Variants in PRELID2 observed in about 807,000 individuals in gnomAD.
PRELID2 encodes PRELI domain-containing protein 2.
Under a neutral mutation model 28.4 loss-of-function variants are expected in PRELID2, and 25 were observed. The observed-to-expected ratio is 0.88, with a 90% confidence interval of 0.64 to 1.23. The LOEUF (loss-of-function observed/expected upper bound fraction) is 1.23. Among genes scored for constraint, PRELID2 ranks in the 50% most tolerant of loss-of-function variants. The pLI is 0.00. For synonymous variants in PRELID2, 76 were observed against 71.6 expected (o/e 1.06, Z -0.31); for missense variants, 201 against 214.4 (o/e 0.94, Z 0.39).
At chr5:145,317,828 T>G in the PRELID2 span, among the ~76,000 whole-genome samples, 2 of 152,186 alleles carry the variant, frequency 1.3e-5, no homozygotes, top group Non-Finnish European at 1.5e-5. Flanking sequence ...GTGCTCATCT[T>G]TAGGTAACCT....
rs80029821 is a variant in PRELID2, at chr5:145,563,195, C to T, written n.71-89880G>A. The stretch of plus-strand genomic sequence containing the variant: ...GCAATTCTGGAACTTTTGATATCAC[C>T]GTTTAGGAGAGAAATATCCTTTTGT... On this transcript the variant is annotated intron_variant and non_coding_transcript_variant, in intron 1 of 2. Transcript: ENST00000510259. Among the ~76,000 whole-genome samples, 1,489 of 152,258 alleles carry T rather than the reference C, an allele frequency of 9.8e-3. 23 individuals are homozygous for T. Among genetic ancestry groups the T allele is most frequent in the African/African-American group, 0.028 (1,158 of 41,548 alleles).
intron 1 of PRELID2, among the ~76,000 whole-genome samples, chr5:145,732,970 G>C (rs1432296661): frequency 6.6e-6 from 1 of 151,178 alleles, no homozygotes; most frequent in Admixed American, 6.6e-5. Context: ...CACATTATTT[G>C]TATAGGTGTT....
At chr5:145,576,157 T>G (rs1753058414) in intron 1 of PRELID2, among the ~76,000 whole-genome samples, 1 of 152,182 alleles carries the variant, frequency 6.6e-6, no homozygotes, top group Non-Finnish European at 1.5e-5. Context: ...CCATTTAAAG[T>G]GTGCAAGTCA....
At chr5:145,529,295 T>C (rs898902172) in intron 1 of PRELID2, among the ~76,000 whole-genome samples, 3 of 151,878 alleles carry the variant, frequency 2.0e-5, no homozygotes, top group Admixed American at 2.0e-4. Flanking sequence ...TTAAACTAGT[T>C]CTAAAGTCTT....
At chr5:145,685,181 T>C (rs188394542) in intron 1 of PRELID2, among the ~76,000 whole-genome samples, 1 of 152,310 alleles carries the variant, frequency 6.6e-6, no homozygotes, top group Admixed American at 6.5e-5. Flanking sequence ...GTCAGAATTC[T>C]TACTCTGAAA....
the PRELID2 span, among the ~76,000 whole-genome samples, chr5:145,466,562 A>C: frequency 6.6e-6 from 1 of 152,164 alleles, no homozygotes. Context: ...TGCTTGGACA[A>C]GGCAATAGAT....
intron 1 of PRELID2, among the ~76,000 whole-genome samples, chr5:145,687,366 C>G (rs1755057738): frequency 6.6e-6 from 1 of 152,034 alleles, no homozygotes; most frequent in South Asian, 2.1e-4. Flanking sequence ...TCAGACAAAC[C>G]CAGGTTGAGA....
At chr5:145,292,863 G>A in the PRELID2 span, among the ~76,000 whole-genome samples, 3 of 151,962 alleles carry the variant, frequency 2.0e-5, no homozygotes, top group Admixed American at 6.6e-5. Context: ...GCATGCCATC[G>A]CACCATGCTA....
chr5:145,569,837 C>T (rs1200435605), intron 1 of PRELID2, among the ~76,000 whole-genome samples: 2 of 152,176 alleles, frequency 1.3e-5, no homozygotes, highest in African/African-American at 4.8e-5. Context: ...TTGTCCATCA[C>T]AGTCGATTGT....
At chr5:145,523,275 C>T (rs1372581307) in intron 1 of PRELID2, among the ~76,000 whole-genome samples, 1 of 152,160 alleles carries the variant, frequency 6.6e-6, no homozygotes, top group Non-Finnish European at 1.5e-5. Flanking sequence ...AAAAACACTT[C>T]TAAGTTATTA....
chr5:145,382,728 T>C, the PRELID2 span, among the ~76,000 whole-genome samples: 2 of 152,020 alleles, frequency 1.3e-5, no homozygotes, highest in Non-Finnish European at 2.9e-5. Flanking sequence ...GGATCTCTTA[T>C]GAGGCTGGTC....
intron 1 of PRELID2, among the ~76,000 whole-genome samples, chr5:145,558,508 T>A (rs1752899945): frequency 1.3e-5 from 2 of 152,242 alleles, no homozygotes; most frequent in African/African-American, 2.4e-5. Flanking sequence ...TAAGAAATGC[T>A]GACAGCTAAA....
intron 1 of PRELID2, among the ~76,000 whole-genome samples, chr5:145,567,819 G>A (rs1023238425): frequency 2.6e-5 from 4 of 152,188 alleles, no homozygotes; most frequent in South Asian, 4.1e-4. Context: ...GTGGAACTGC[G>A]AGTCGATTAA....
At chr5:145,255,788 A>G in the PRELID2 span, among the ~76,000 whole-genome samples, 1 of 150,122 alleles carries the variant, frequency 6.7e-6, no homozygotes, top group South Asian at 2.1e-4. Flanking sequence ...CTCAAAAACT[A>G]TATATATATG....
chr5:145,307,126 A>G, the PRELID2 span, among the ~76,000 whole-genome samples: 9 of 152,192 alleles, frequency 5.9e-5, no homozygotes, highest in Non-Finnish European at 1.0e-4. Flanking sequence ...AAGTCCTTCC[A>G]GGAAGCTGCA....
chr5:145,778,775 G>A (rs1358987683), intron 5 of PRELID2, among the ~76,000 whole-genome samples: 2 of 152,236 alleles, frequency 1.3e-5, no homozygotes, highest in East Asian at 3.9e-4. Context: ...CAGGGCGGTA[G>A]TGTGAACTAA....
At chr5:145,640,304 C>G (rs1023963687) in intron 1 of PRELID2, among the ~76,000 whole-genome samples, 4 of 151,658 alleles carry the variant, frequency 2.6e-5, no homozygotes, top group African/African-American at 9.7e-5. Context: ...GAAACCCCGT[C>G]TCTACTAAAA....
the PRELID2 span, among the ~76,000 whole-genome samples, chr5:145,441,977 T>C: frequency 6.6e-6 from 1 of 152,110 alleles, no homozygotes; most frequent in Non-Finnish European, 1.5e-5. Flanking sequence ...CTTTGCTTCA[T>C]AGGAGATGGC....
chr5:145,741,801 T>G (rs1219366635), intron 1 of PRELID2, among the ~76,000 whole-genome samples: 24 of 108,624 alleles, frequency 2.2e-4, no homozygotes, highest in Non-Finnish European at 3.7e-4. Context: ...TATTTATATA[T>G]AAATTTATTT....
Sources: allele counts gnomAD v4.1 joint callset (sites outside exome capture counted in the v4.1 genomes callset), GRCh38; gene constraint gnomAD v4.1.1; transcripts MANE v1.5; gene names NCBI Gene and HGNC (gene_info 2026-07-23, HGNC 2026-07-21).